IPO11: variants seen among roughly 807,000 people sequenced by gnomAD.
The protein encoded by IPO11 is importin-11.
In IPO11, 66 loss-of-function variants were observed where a neutral mutation model predicts 143.2. The observed-to-expected ratio is 0.46, with a 90% CI of 0.38 to 0.57. The LOEUF is 0.57. Ranked by LOEUF, IPO11 falls within the 20% of genes least tolerant of loss-of-function variation. The pLI, the probability that IPO11 is intolerant of heterozygous loss-of-function variation, is 0.00. For synonymous variants in IPO11, 385 were observed against 377.8 expected, an observed-to-expected ratio of 1.02 and a Z score of -0.22; for missense variants, 1,026 against 1,141.0, an observed-to-expected ratio of 0.90 and a Z score of 1.45.
intron 5 of IPO11, among the ~76,000 whole-genome samples, chr5:62,458,501 A>G (rs1337115547): frequency 6.6e-6 from 1 of 152,224 alleles, no homozygotes; most frequent in East Asian, 1.9e-4. Flanking sequence ...GGGTTTTGCC[A>G]CATTGGCCAG....
At chr5:62,622,490 T>G (rs1746412902) in intron 29 of IPO11, among the ~76,000 whole-genome samples, 1 of 152,218 alleles carries the variant, frequency 6.6e-6, no homozygotes, top group African/African-American at 2.4e-5. Context: ...TGGAGTTTAG[T>G]AAATGTGGAT....
intron 20 of IPO11, among the ~76,000 whole-genome samples, chr5:62,520,012 T>C (rs565174339): frequency 1.3e-5 from 2 of 152,326 alleles, no homozygotes; most frequent in African/African-American, 4.8e-5. Flanking sequence ...TTCTCAAATG[T>C]CAGATCCCCC....
At chr5:62,429,617 TG>T in intron 1 of IPO11, among the ~76,000 whole-genome samples, 1 of 150,602 alleles carries the variant, frequency 6.6e-6, no homozygotes, top group East Asian at 1.9e-4. Context: ...TGTGTGTGTG[TG>T]TGTGTGTGTA....
intron 19 of IPO11, chr5:62,512,305 G>T: frequency 7.2e-7 from 1 of 1,386,212 alleles, no homozygotes; most frequent in Non-Finnish European, 1.0e-6. Context: ...TCTGGTTCAT[G>T]GATCATATAA....
At chr5:62,585,399 C>T (rs1274454913) in intron 27 of IPO11, among the ~76,000 whole-genome samples, 1 of 152,040 alleles carries the variant, frequency 6.6e-6, no homozygotes, top group Non-Finnish European at 1.5e-5. Context: ...TGCTACTGAC[C>T]AGGTAAATCC....
At chr5:62,561,521 C>T (rs984117977) in intron 27 of IPO11, among the ~76,000 whole-genome samples, 6 of 151,916 alleles carry the variant, frequency 3.9e-5, no homozygotes, top group African/African-American at 7.2e-5. Context: ...TCTGAATTTC[C>T]ATTTTTTATA....
intron 22 of IPO11, among the ~76,000 whole-genome samples, chr5:62,531,122 C>T (rs1292027423): frequency 6.6e-6 from 1 of 152,168 alleles, no homozygotes; most frequent in African/African-American, 2.4e-5. Context: ...TGAGAACATA[C>T]ATACCTTCCA....
Position 62,447,641 on chromosome 5 carries a change from A to T in IPO11, c.240-2286A>T. ...TGCTCTGTCACCCAGGCTGGAGTGCAGTGGTGCCATCATGGCTCACTGCAA... is the reference window on the plus strand; with the variant it reads ...TGCTCTGTCACCCAGGCTGGAGTGCTGTGGTGCCATCATGGCTCACTGCAA... On this transcript the variant is annotated intron_variant, in intron 3 of 29. Coordinates refer to ENST00000325324, the MANE Select transcript of IPO11 (RefSeq NM_016338.5). Among the ~76,000 whole-genome samples the T allele has an allele frequency of 1.3e-5, 2 of 150,804 alleles. 1 individual carries two copies. Among genetic ancestry groups the T allele is most frequent in the Middle Eastern group, 6.3e-3 (2 of 316 alleles).
intron 1 of IPO11, among the ~76,000 whole-genome samples, chr5:62,434,255 C>A (rs1263497702): frequency 6.6e-6 from 1 of 152,120 alleles, no homozygotes; most frequent in Admixed American, 6.6e-5. Flanking sequence ...CAGAAGCCTT[C>A]ACTGAATACC....
chr5:62,488,775 G>A (rs1179855273), intron 13 of IPO11, among the ~76,000 whole-genome samples: 1 of 152,146 alleles, frequency 6.6e-6, no homozygotes, highest in African/African-American at 2.4e-5. Flanking sequence ...GGCTGAGGTG[G>A]GCAGATCACT....
Position 62,449,999 on chromosome 5 carries a change from G to T in IPO11, c.312G>T (p.Gln104His), listed in dbSNP as rs1461236313. Reference protein sequence around the residue: ...LITNFNEPINQIATQIAVLIA... With the variant: ...LITNFNEPINHIATQIAVLIA... ...CCAACTTCAATGAACCAATAAACCA[G>T]GTTAGTGAGAAATGAATGCTAATTT... Residue 104 changes from glutamine (Q) to histidine (H), a missense_variant and splice_region_variant, in exon 4 of 30, where the codon CAG becomes CAT. Gln to His is a conservative substitution (Grantham distance 24). This residue lies in a region of IPO11 where 429 missense variants were observed against 456.3 expected (regional missense o/e 0.94). Coordinates refer to ENST00000325324, the MANE Select transcript of IPO11 (RefSeq NM_016338.5). 3.2e-6 allele frequency: 5 copies of T among 1,581,660 alleles called. No individual in the cohort carries two copies. Among genetic ancestry groups the T allele is most frequent in the Non-Finnish European group, 4.3e-6 (5 of 1,165,738 alleles).
chr5:62,490,838 C>T (rs569142927), intron 15 of IPO11, among the ~76,000 whole-genome samples: 11 of 152,210 alleles, frequency 7.2e-5, no homozygotes, highest in African/African-American at 2.6e-4. Flanking sequence ...TCACTGCAAC[C>T]TCCACCTCCC....
At chr5:62,544,031 T>G (rs1055251568) in intron 24 of IPO11, among the ~76,000 whole-genome samples, 1 of 152,176 alleles carries the variant, frequency 6.6e-6, no homozygotes, top group Non-Finnish European at 1.5e-5. Flanking sequence ...GAGTTCTAGT[T>G]TGATTGCACT....
rs567231073 is a variant in IPO11 at position 62,435,054 on chromosome 5, A to C, written c.-6-2220A>C. ...AAAAAATATATATGTATATGTGTAT[A>C]TATATATGTATATATATGTATATAT... On this transcript the variant is annotated intron_variant, in intron 1 of 29. Transcript: ENST00000325324. Among the ~76,000 whole-genome samples, 77 of 108,172 alleles carry C rather than the reference A, an allele frequency of 7.1e-4. 1 individual carries two copies. The Middle Eastern group carries it at 0.013, about 18-fold the overall frequency. 71.0% of individuals were successfully genotyped at this position (108,172 alleles called of 152,430 possible). A position where few individuals can be genotyped will look rare whatever the true frequency, so the allele number is the denominator to read the frequency against.
chr5:62,608,113 C>T (rs1443864944), intron 29 of IPO11, among the ~76,000 whole-genome samples: 1 of 152,204 alleles, frequency 6.6e-6, no homozygotes, highest in East Asian at 1.9e-4. Context: ...GCCACCACTC[C>T]TGGCCTCTCA....
chr5:62,532,436 C>T (rs1742582946), intron 22 of IPO11, among the ~76,000 whole-genome samples: 1 of 152,106 alleles, frequency 6.6e-6, no homozygotes, highest in Non-Finnish European at 1.5e-5. Flanking sequence ...CAGCTCAGTG[C>T]AACCTCCGCC....
intron 8 of IPO11, among the ~76,000 whole-genome samples, chr5:62,474,798 C>A (rs1745898412): frequency 6.6e-6 from 1 of 152,140 alleles, no homozygotes; most frequent in South Asian, 2.1e-4. Context: ...TAGTACCAAA[C>A]CCTTTGTGTA....
At chr5:62,508,667 G>A (rs1217246005) in intron 19 of IPO11, among the ~76,000 whole-genome samples, 1 of 150,064 alleles carries the variant, frequency 6.7e-6, no homozygotes, top group Non-Finnish European at 1.5e-5. Flanking sequence ...TGTTACGTAG[G>A]TATACATGTG....
At chr5:62,585,219 G>C (rs1025910622) in intron 27 of IPO11, among the ~76,000 whole-genome samples, 3 of 152,150 alleles carry the variant, frequency 2.0e-5, no homozygotes, top group Non-Finnish European at 4.4e-5. Context: ...CTGAGACTCT[G>C]AGGAGCAAAC....
Sources: allele counts gnomAD v4.1 joint callset (sites outside exome capture counted in the v4.1 genomes callset), GRCh38; gene constraint gnomAD v4.1.1; regional missense constraint gnomAD v4.1.1; transcripts MANE v1.5; gene names NCBI Gene and HGNC (gene_info 2026-07-23, HGNC 2026-07-21).